Variants in CYFIP2 observed in about 807,000 individuals in gnomAD.
CYFIP2 encodes the protein cytoplasmic FMR1-interacting protein 2.
A neutral mutation model predicts 158.7 loss-of-function variants in CYFIP2; 29 were observed. That is an observed-to-expected ratio of 0.18 (90% CI 0.14 to 0.25). The LOEUF (loss-of-function observed/expected upper bound fraction) is 0.25, where lower values mean the gene tolerates loss of function less well. Ranked by LOEUF, CYFIP2 falls within the 10% of genes least tolerant of loss-of-function variation. The pLI is 1.00. For synonymous variants in CYFIP2, 585 were observed against 617.6 expected, an observed-to-expected ratio of 0.95 and a Z score of 0.78; for missense variants, 852 against 1,639.5, an observed-to-expected ratio of 0.52 and a Z score of 8.29.
At chr5:157,368,618 T>G (rs540915011) in intron 26 of CYFIP2, among the ~76,000 whole-genome samples, 16 of 152,290 alleles carry the variant, frequency 1.1e-4, no homozygotes. Flanking sequence ...ATAATACCCT[T>G]CCTTTGTGTG....
intron 26 of CYFIP2, among the ~76,000 whole-genome samples, chr5:157,371,897 CTAA>C (rs1253925734): frequency 1.3e-5 from 2 of 152,248 alleles, no homozygotes; most frequent in African/African-American, 4.8e-5. Flanking sequence ...TCTTAATCAC[CTAA>C]TGATTATTTC....
At chr5:157,368,572 T>C (rs1174370851) in intron 26 of CYFIP2, among the ~76,000 whole-genome samples, 1 of 152,258 alleles carries the variant, frequency 6.6e-6, no homozygotes, top group Non-Finnish European at 1.5e-5. Context: ...TTGAAAACGA[T>C]CCATGCTTTG....
At chr5:157,353,492 C>A (rs116023161) in intron 23 of CYFIP2, among the ~76,000 whole-genome samples, 1 of 152,192 alleles carries the variant, frequency 6.6e-6, no homozygotes, top group South Asian at 2.1e-4. Flanking sequence ...GTTGGAGACC[C>A]AGCCCTATGG....
intron 21 of CYFIP2, 140 bp downstream of exon 21, chr5:157,333,586 A>G: frequency 8.2e-7 from 1 of 1,219,468 alleles, no homozygotes; most frequent in African/African-American, 1.5e-5. Flanking sequence ...GAGCTGGGAA[A>G]GAAAAACTTA....
intron 26 of CYFIP2, among the ~76,000 whole-genome samples, chr5:157,368,369 C>T (rs1445466248): frequency 6.6e-6 from 1 of 152,164 alleles, no homozygotes; most frequent in African/African-American, 2.4e-5. Flanking sequence ...TCAGCCACCC[C>T]TCTCAGACCG....
intron 23 of CYFIP2, chr5:157,343,288 G>A: frequency 6.2e-7 from 1 of 1,614,204 alleles, no homozygotes; most frequent in Non-Finnish European, 8.5e-7. Flanking sequence ...GCCTGTAAGG[G>A]AAGGCAGCCT....
In CYFIP2 at chr5:157,342,908, C is replaced by T. The variant is rs143433635; in HGVS notation, c.2673+1751C>T. 95 of 1,614,012 alleles carry T rather than the reference C, an allele frequency of 5.9e-5. No homozygotes were observed. In the African/African-American group the frequency reaches 1.2e-3, roughly 20 times the overall value. On this transcript the variant is annotated intron_variant, in intron 23 of 30. Transcript: ENST00000620254. ...TATAGCGGGTGGGTCACCACCCCCCCTCTGTAAGGCACCCGCATCAGGGGC... is the reference window on the plus strand; with the variant it reads ...TATAGCGGGTGGGTCACCACCCCCCTTCTGTAAGGCACCCGCATCAGGGGC...
At chr5:157,312,789 G>A (rs1042891770) in intron 11 of CYFIP2, among the ~76,000 whole-genome samples, 1 of 152,354 alleles carries the variant, frequency 6.6e-6, no homozygotes, top group Non-Finnish European at 1.5e-5. Flanking sequence ...CAGAACTTTA[G>A]CTTTCTAAAT....
intron 23 of CYFIP2, among the ~76,000 whole-genome samples, chr5:157,344,143 T>C (rs539210237): frequency 6.6e-6 from 1 of 152,334 alleles, no homozygotes; most frequent in East Asian, 1.9e-4. Context: ...TTTTGTTTGT[T>C]TGTTTTTTCA....
intron 3 of CYFIP2, among the ~76,000 whole-genome samples, chr5:157,287,833 C>G (rs1757511093): frequency 6.6e-6 from 1 of 152,118 alleles, no homozygotes; most frequent in Admixed American, 6.5e-5. Flanking sequence ...TAGCTCATGC[C>G]CATAACCCCA....
intron 16 of CYFIP2, chr5:157,324,671 G>A (rs1306576421): frequency 2.0e-5 from 3 of 152,154 alleles, no homozygotes; most frequent in Non-Finnish European, 4.4e-5. Flanking sequence ...TATCACACGC[G>A]AGGAGTCAAG....
chr5:157,290,891 G>T (rs73814097), intron 3 of CYFIP2, among the ~76,000 whole-genome samples: 1,679 of 152,294 alleles, frequency 0.011, 35 homozygotes, highest in African/African-American at 0.038. Context: ...AGGAGGAGGG[G>T]AAGTACGTAA....
chr5:157,303,665 T>C (rs998446905), intron 7 of CYFIP2, among the ~76,000 whole-genome samples: 1 of 152,142 alleles, frequency 6.6e-6, no homozygotes, highest in Non-Finnish European at 1.5e-5. Context: ...TTCTTTCTCT[T>C]GCCTGTGGGA....
intron 28 of CYFIP2, among the ~76,000 whole-genome samples, chr5:157,387,421 C>A (rs1766808026): frequency 6.6e-6 from 1 of 152,140 alleles, no homozygotes; most frequent in Non-Finnish European, 1.5e-5. Flanking sequence ...TTCTATTCCC[C>A]CTTCCAGGAC....
intron 26 of CYFIP2, 83 bp from the exon 27 acceptor site, chr5:157,382,507 C>G: frequency 1.4e-6 from 2 of 1,446,882 alleles, no homozygotes; most frequent in East Asian, 2.3e-5. Context: ...TAGCTAACTC[C>G]AGTGCTCAGG....
intron 3 of CYFIP2, among the ~76,000 whole-genome samples, chr5:157,289,472 G>C (rs1292942937): frequency 6.6e-6 from 1 of 152,226 alleles, no homozygotes; most frequent in African/African-American, 2.4e-5. Flanking sequence ...CCGGAGATTA[G>C]AAGTCCAAGA....
At chr5:157,280,914 T>C (rs992061556) in intron 1 of CYFIP2, among the ~76,000 whole-genome samples, 18 of 152,198 alleles carry the variant, frequency 1.2e-4, no homozygotes, top group Admixed American at 4.6e-4. Flanking sequence ...TCAGTACTAA[T>C]TTTCTAATTT....
Position 157,351,636 on chromosome 5 carries a change from TG to T in CYFIP2, c.2674-7367del. Reference sequence around the variant, plus strand: ...CACAAAGCAAGGTCCTGGCAAACAATGGTGTAAGCCTGGGCCTGTTGGCCAC... The same window carrying T: ...CACAAAGCAAGGTCCTGGCAAACAATGTGTAAGCCTGGGCCTGTTGGCCAC... On this transcript the variant is annotated intron_variant, in intron 23 of 30. Coordinates refer to ENST00000620254, the MANE Select transcript of CYFIP2 (RefSeq NM_001037333.3). Among the ~76,000 whole-genome samples, 2 of 152,080 alleles carry T rather than the reference TG, an allele frequency of 1.3e-5. 1 individual carries two copies. The highest frequency in any genetic ancestry group is 2.9e-5 in the Non-Finnish European group (2 of 68,018).
At chr5:157,315,282 T>C (rs1165776267) in intron 13 of CYFIP2, among the ~76,000 whole-genome samples, 188 bp downstream of exon 13, 1 of 152,024 alleles carries the variant, frequency 6.6e-6, no homozygotes, top group Non-Finnish European at 1.5e-5. Context: ...CATTCTGTTC[T>C]TAAAAATCCA....
Sources: gnomAD v4.1 joint callset for allele counts (sites outside exome capture counted in the v4.1 genomes callset) on GRCh38, gnomAD v4.1.1 for gene constraint, MANE v1.5 for transcripts, NCBI Gene and HGNC (gene_info 2026-07-23, HGNC 2026-07-21) for gene names.